Variants in MPZL1 observed in about 807,000 individuals in gnomAD.
MPZL1 encodes the protein myelin protein zero-like protein 1.
A neutral mutation model predicts 29.3 loss-of-function variants in MPZL1; 16 were observed. The ratio of observed to expected loss-of-function variants is 0.55; its 90% confidence interval spans 0.37 to 0.83. The LOEUF (loss-of-function observed/expected upper bound fraction) is 0.83. Among genes scored for constraint, MPZL1 ranks in the 40% least tolerant of loss-of-function variants. The pLI, the probability that MPZL1 is intolerant of heterozygous loss-of-function variation, is 0.00. For missense variants in MPZL1, 279 were observed against 332.9 expected, an observed-to-expected ratio of 0.84 and a Z score of 1.26; for synonymous variants, 143 against 132.0, an observed-to-expected ratio of 1.08 and a Z score of -0.57.
chr1:167,739,749 T>C (rs908273287), intron 1 of MPZL1, among the ~76,000 whole-genome samples: 5 of 152,136 alleles, frequency 3.3e-5, no homozygotes, highest in African/African-American at 1.2e-4. Context: ...ATTTGTCATA[T>C]CCCTGTTAAC....
chr1:167,753,101 T>C (rs1452884741), intron 1 of MPZL1, among the ~76,000 whole-genome samples: 1 of 152,012 alleles, frequency 6.6e-6, no homozygotes, highest in Non-Finnish European at 1.5e-5. Context: ...TACTGAAGAG[T>C]GTGGCAGAAG....
chr1:167,785,867 A>T (rs761469591), intron 5 of MPZL1, among the ~76,000 whole-genome samples: 1 of 152,076 alleles, frequency 6.6e-6, no homozygotes, highest in Non-Finnish European at 1.5e-5. Context: ...ATCTTGGCTC[A>T]CTGTAAGCTC....
At chr1:167,733,310 T>A (rs1660306814) in intron 1 of MPZL1, among the ~76,000 whole-genome samples, 1 of 152,162 alleles carries the variant, frequency 6.6e-6, no homozygotes, top group South Asian at 2.1e-4. Context: ...GATCCAATTA[T>A]TCCCACTGCA....
At chr1:167,761,732 G>A (rs1008518318) in intron 1 of MPZL1, among the ~76,000 whole-genome samples, 24 of 152,180 alleles carry the variant, frequency 1.6e-4, no homozygotes, top group Admixed American at 1.4e-3. Context: ...CATTTAAGGC[G>A]AAAATAGTCA....
rs1299176972 is a variant in MPZL1, at chr1:167,772,331, C to G, written c.315C>G (p.Asp105Glu). 6.2e-7 allele frequency: 1 copy of G among 1,613,818 alleles called. No individual in the cohort carries two copies. The highest frequency in any genetic ancestry group is 1.7e-5 in the Admixed American group (1 of 59,996). ...VYLGNYPPFK[D>E]RISWAGDLDK... ...TTGGGAATTATCCACCATTTAAAGA[C>G]AGAATCAGCTGGGCTGGAGACCTTG... The change falls in exon 3 of 6, where the codon GAC becomes GAG. Residue 105 changes from aspartate (D) to glutamate (E), a missense_variant. Transcript: ENST00000359523.
At chr1:167,767,872 TTGTTTTGTTTTGTTTTGTTTTG>T (rs1661152318) in intron 2 of MPZL1, among the ~76,000 whole-genome samples, 2 of 150,914 alleles carry the variant, frequency 1.3e-5, no homozygotes, top group Admixed American at 6.7e-5. Flanking sequence ...TTGTTTTGTT[TTGTTTTGTTTTGTTTTGTTTTG>T]TGTTTTCTGT....
At chr1:167,758,393 A>ATTAT (rs1660914362) in intron 1 of MPZL1, among the ~76,000 whole-genome samples, 1 of 152,208 alleles carries the variant, frequency 6.6e-6, no homozygotes, top group African/African-American at 2.4e-5. Flanking sequence ...GTTGGGAGAC[A>ATTAT]TTATTTACTC....
chr1:167,762,137 T>C (rs1661002949), intron 1 of MPZL1, among the ~76,000 whole-genome samples: 1 of 151,988 alleles, frequency 6.6e-6, no homozygotes. Context: ...AGGAGGCATT[T>C]GCAATGTCTG....
At chr1:167,771,139 G>A (rs950716184) in intron 2 of MPZL1, among the ~76,000 whole-genome samples, 4 of 151,938 alleles carry the variant, frequency 2.6e-5, no homozygotes, top group Admixed American at 1.3e-4. Flanking sequence ...AGGTCCCTGC[G>A]GCCTTCCGCA....
At chr1:167,767,479 CTTAATA>C (rs1224714261) in intron 2 of MPZL1, among the ~76,000 whole-genome samples, 7 of 152,094 alleles carry the variant, frequency 4.6e-5, no homozygotes, top group African/African-American at 7.2e-5. Flanking sequence ...TAACTCAAAA[CTTAATA>C]TTAAGAACAT....
chr1:167,746,326 G>A (rs1052981206), intron 1 of MPZL1, among the ~76,000 whole-genome samples: 1 of 151,978 alleles, frequency 6.6e-6, no homozygotes, highest in African/African-American at 2.4e-5. Flanking sequence ...ATGATAAACT[G>A]GCTGGAATGG....
At chr1:167,734,164 G>A (rs1363364964) in intron 1 of MPZL1, among the ~76,000 whole-genome samples, 4 of 151,774 alleles carry the variant, frequency 2.6e-5, no homozygotes, top group Non-Finnish European at 4.4e-5. Context: ...GCTGAGGCAG[G>A]AGAATGGCGT....
intron 4 of MPZL1, chr1:167,774,532 G>T: frequency 6.6e-6 from 1 of 152,372 alleles, no homozygotes; most frequent in Non-Finnish European, 1.5e-5. Flanking sequence ...CTTGCATGGT[G>T]AGTGTTTTAT....
At position 167,764,124 on chromosome 1, in the gene MPZL1, C is replaced by T. The variant is rs3767447; in HGVS notation, c.92-1459C>T. Among the ~76,000 whole-genome samples the T allele has an allele frequency of 7.2e-5, 11 of 152,168 alleles. No individual in the cohort carries two copies. In the East Asian group the frequency reaches 1.5e-3, roughly 21 times the overall value. On this transcript the variant is annotated intron_variant, in intron 1 of 5. Transcript: ENST00000359523. ...CAACACTGCAGATATTTATTCCAAA[C>T]GATTTCTTTAAAAAATATGGAAGAT...
chr1:167,746,767 T>C (rs1321066612), intron 1 of MPZL1, among the ~76,000 whole-genome samples: 3 of 152,236 alleles, frequency 2.0e-5, no homozygotes, highest in Non-Finnish European at 2.9e-5. Flanking sequence ...TAAGCTGTTT[T>C]TGGCTTTTTC....
chr1:167,764,168 A>G (rs759590584), intron 1 of MPZL1, among the ~76,000 whole-genome samples: 14 of 152,194 alleles, frequency 9.2e-5, no homozygotes, highest in Non-Finnish European at 1.5e-4. Flanking sequence ...TTAAGTTACC[A>G]ATTTTGGGCC....
intron 1 of MPZL1, among the ~76,000 whole-genome samples, chr1:167,722,945 CAT>C (rs1173763994): frequency 2.0e-5 from 3 of 152,158 alleles, no homozygotes; most frequent in Admixed American, 1.3e-4. Flanking sequence ...TTTGACAAGA[CAT>C]AGAGCATTAA....
rs753205839 is a variant in MPZL1, at chr1:167,765,735, G to A, written c.244G>A (p.Asp82Asn). ...CTGGAGCTTCCAGCCAGAGGGGGCCGACACTACTGTGTCGGTAAGAATGCT... is the reference window on the plus strand; with the variant it reads ...CTGGAGCTTCCAGCCAGAGGGGGCCAACACTACTGTGTCGGTAAGAATGCT... The part of the protein sequence containing the change: ...VSWSFQPEGA[D>N]TTVSFFHYSQ... The change falls in exon 2 of 6, where the codon GAC becomes AAC. Residue 82 changes from aspartate to asparagine, a missense_variant. Transcript: ENST00000359523. 10 of 1,610,220 alleles carry A rather than the reference G, an allele frequency of 6.2e-6. No individual in the cohort carries two copies. Among genetic ancestry groups the A allele is most frequent in the Admixed American group, 3.4e-5 (2 of 59,326 alleles).
At chr1:167,778,700 T>C (rs1661425478) in intron 5 of MPZL1, among the ~76,000 whole-genome samples, 1 of 152,046 alleles carries the variant, frequency 6.6e-6, no homozygotes, top group African/African-American at 2.4e-5. Flanking sequence ...TTATCAATCT[T>C]ATTAGTAAAC....
Sources: gnomAD v4.1 joint callset for allele counts (sites outside exome capture counted in the v4.1 genomes callset) on GRCh38, gnomAD v4.1.1 for gene constraint, MANE v1.5 for transcripts, NCBI Gene and HGNC (gene_info 2026-07-23, HGNC 2026-07-21) for gene names.